Variants in BEND4 observed in about 807,000 individuals in gnomAD.
BEND4 encodes BEN domain-containing protein 4.
Under a neutral mutation model 54.7 loss-of-function variants are expected in BEND4, and 27 were observed. The ratio of observed to expected loss-of-function variants is 0.49; its 90% CI spans 0.36 to 0.68. The LOEUF is 0.68. BEND4 is among the 30% of genes least tolerant of loss of function. BEND4 has a pLI of 0.00. For missense variants in BEND4, 702 were observed against 697.2 expected, an observed-to-expected ratio of 1.01 and a Z score of -0.08; for synonymous variants, 327 against 299.5, an observed-to-expected ratio of 1.09 and a Z score of -0.95.
chr4:42,125,352 T>C (rs1430788891), intron 4 of BEND4, among the ~76,000 whole-genome samples: 1 of 152,202 alleles, frequency 6.6e-6, no homozygotes, highest in African/African-American at 2.4e-5. Flanking sequence ...CCCATGCTAT[T>C]TAAATTGTCA....
chr4:42,122,765 T>G (rs964955875), intron 4 of BEND4, among the ~76,000 whole-genome samples: 8 of 152,204 alleles, frequency 5.3e-5, no homozygotes, highest in Non-Finnish European at 8.8e-5. Context: ...TAAAAGCTGT[T>G]TTGCTCAGGA....
At chr4:42,134,103 C>T (rs1296776278) in intron 3 of BEND4, among the ~76,000 whole-genome samples, 2 of 152,140 alleles carry the variant, frequency 1.3e-5, no homozygotes, top group African/African-American at 4.8e-5. Context: ...AAATAGTTTT[C>T]CTTGGGGGAA....
intron 3 of BEND4, among the ~76,000 whole-genome samples, chr4:42,127,192 C>T (rs1720320540): frequency 6.6e-6 from 1 of 152,158 alleles, no homozygotes; most frequent in African/African-American, 2.4e-5. Flanking sequence ...CTTCAACATC[C>T]TTTTGAAGAA....
rs115990058 is a variant in BEND4, at chr4:42,127,763, G to A, written c.1055-2089C>T. ...GTCACTGCTTTGTCAAGTGACATGT[G>A]CAAGGTACTACCTTGGATTTTGCTT... On this transcript the variant is annotated intron_variant, in intron 3 of 5. Transcript: ENST00000502486. Among the ~76,000 whole-genome samples, 948 of 152,314 alleles carry A rather than the reference G, an allele frequency of 6.2e-3. 13 individuals carry two copies. The highest frequency in any genetic ancestry group is 0.022 in the African/African-American group (897 of 41,562).
At chr4:42,125,414 A>G (rs972558041) in intron 4 of BEND4, among the ~76,000 whole-genome samples, 169 bp downstream of exon 4, 2 of 152,252 alleles carry the variant, frequency 1.3e-5, no homozygotes, top group Non-Finnish European at 2.9e-5. Context: ...CTGTAGTTAA[A>G]TACATGCGTG....
chr4:42,146,295 T>C (rs759338182), intron 2 of BEND4, among the ~76,000 whole-genome samples: 2 of 152,188 alleles, frequency 1.3e-5, no homozygotes, highest in African/African-American at 2.4e-5. Flanking sequence ...TAGTGGAAGA[T>C]AAAGCTAGGA....
At chr4:42,119,722 T>C (rs1317734645) in intron 5 of BEND4, among the ~76,000 whole-genome samples, 1 of 152,178 alleles carries the variant, frequency 6.6e-6, no homozygotes, top group Non-Finnish European at 1.5e-5. Flanking sequence ...TAAAAAAATT[T>C]TCCACACCTT....
At chr4:42,141,787 G>A (rs1042226903) in intron 3 of BEND4, among the ~76,000 whole-genome samples, 2 of 152,250 alleles carry the variant, frequency 1.3e-5, no homozygotes, top group African/African-American at 4.8e-5. Context: ...TTATGCATAT[G>A]TATCAGCATT....
At position 42,112,092 on chromosome 4, in the gene BEND4, AAAC is replaced by A. The variant is rs1440916287; in HGVS notation, c.*5423_*5425del. 1 of 152,192 alleles carries A rather than the reference AAAC, an allele frequency of 6.6e-6. No individual in the cohort carries two copies. Among genetic ancestry groups the A allele is most frequent in the Non-Finnish European group, 1.5e-5 (1 of 68,042 alleles). 9.4% of individuals were successfully genotyped at this position (152,192 alleles called of 1,614,324 possible). ...CAACTCTCCCTTGATGGCATAAATA[AAAC>A]AACAAATCCATTCCAAAGTGTTGAT... On this transcript the variant is annotated 3_prime_UTR_variant, in exon 6 of 6. Coordinates refer to ENST00000502486, the MANE Select transcript of BEND4 (RefSeq NM_207406.4).
chr4:42,125,802 G>A, intron 3 of BEND4, 128 bp from the exon 4 acceptor site: 3 of 595,728 alleles, frequency 5.0e-6, no homozygotes, highest in South Asian at 2.3e-5. Flanking sequence ...GCAGTGTGGT[G>A]ATCTCAGCTC....
rs1285685155 is a variant in BEND4 at position 42,152,160 on chromosome 4, G to A, written c.-17C>T. 1.6e-6 allele frequency: 2 copies of A among 1,240,932 alleles called. No individual in the cohort carries two copies. The highest frequency in any genetic ancestry group is 2.0e-6 in the Non-Finnish European group (2 of 984,498). 76.9% of individuals were successfully genotyped at this position (1,240,932 alleles called of 1,614,324 possible). ...TTCCTCCATCCGGCGCCTCGGGGCC[G>A]GTCCCTCGGAGCACGTCCCCTCCCC... On this transcript the variant is annotated 5_prime_UTR_variant, in exon 2 of 6. Coordinates refer to ENST00000502486, the MANE Select transcript of BEND4 (RefSeq NM_207406.4).
rs540152138 is a variant in BEND4, at chr4:42,132,192, G to A, written c.1055-6518C>T. On this transcript the variant is annotated intron_variant, in intron 3 of 5. Transcript: ENST00000502486. ...GTGTCCCTCGGTTCTGTTAACCTAA[G>A]GTTCTGTGGGGGACTGTGGAGTTTC... is the stretch of plus-strand genomic sequence containing the variant. Among the ~76,000 whole-genome samples the A allele has an allele frequency of 6.6e-5, 10 of 152,326 alleles. No homozygotes were observed. The East Asian group carries it at 1.9e-3, about 29-fold the overall frequency.
intron 2 of BEND4, among the ~76,000 whole-genome samples, chr4:42,147,689 G>A (rs1721123824): frequency 6.6e-6 from 1 of 151,908 alleles, no homozygotes; most frequent in South Asian, 2.1e-4. Flanking sequence ...CAGCCTACTG[G>A]GAGATAATAT....
intron 3 of BEND4, among the ~76,000 whole-genome samples, chr4:42,128,162 A>AAAAC (rs1000816991): frequency 4.6e-5 from 7 of 152,156 alleles, no homozygotes; most frequent in African/African-American, 1.4e-4. Flanking sequence ...CTCGCTCTCT[A>AAAAC]AAACAAACAA....
At chr4:42,145,440 A>G (rs1184758552) in intron 2 of BEND4, among the ~76,000 whole-genome samples, 1 of 152,188 alleles carries the variant, frequency 6.6e-6, no homozygotes, top group East Asian at 1.9e-4. Context: ...CACACCTGTA[A>G]TCTCAGCACT....
chr4:42,134,460 TTATA>T (rs1466696290), intron 3 of BEND4, among the ~76,000 whole-genome samples: 9 of 152,194 alleles, frequency 5.9e-5, no homozygotes, highest in African/African-American at 2.2e-4. Context: ...AGATGCATTG[TTATA>T]TTTTTGTTCA....
At chr4:42,141,302 T>G (rs1398640573) in intron 3 of BEND4, among the ~76,000 whole-genome samples, 3 of 152,264 alleles carry the variant, frequency 2.0e-5, no homozygotes, top group Non-Finnish European at 4.4e-5. Context: ...ATTTGGAGAA[T>G]TATTTTAAAT....
At chr4:42,125,801 T>A in intron 3 of BEND4, 127 bp from the exon 4 acceptor site, 1 of 597,316 alleles carries the variant, frequency 1.7e-6, no homozygotes, top group South Asian at 2.2e-5. Flanking sequence ...TGCAGTGTGG[T>A]GATCTCAGCT....
chr4:42,143,960 C>G lies in BEND4; in HGVS notation c.522G>C (p.Gln174His), dbSNP rs963704777. ...SRMILDAFAQ[Q>H]CSRVLSLLNC... ...TTAAGAGGCTAAGAACTCGACTGCA[C>G]TGCTGGGCAAAGGCATCCAAGATCA... The change falls in exon 3 of 6, where the codon CAG becomes CAC. Residue 174 changes from glutamine (Q) to histidine (H), a missense_variant. Physicochemically the swap from Gln to His is conservative, Grantham distance 24. Transcript: ENST00000502486. The G allele has an allele frequency of 1.9e-5, 30 of 1,558,074 alleles. No individual in the cohort carries two copies. Among genetic ancestry groups the G allele is most frequent in the Non-Finnish European group, 2.5e-5 (29 of 1,156,426 alleles).
Sources: gnomAD v4.1 joint callset for allele counts (sites outside exome capture counted in the v4.1 genomes callset) on GRCh38, gnomAD v4.1.1 for gene constraint, MANE v1.5 for transcripts, NCBI Gene and HGNC (gene_info 2026-07-23, HGNC 2026-07-21) for gene names.